The following BLTP3B variants were observed in gnomAD, a reference collection of about 807,000 sequenced individuals.
The protein encoded by BLTP3B is bridge-like lipid transfer protein family member 3B, also known as UHRF1 (ICBP90) binding protein 1-like.
the BLTP3B span, among the ~76,000 whole-genome samples, chr12:100,127,706 C>G: frequency 6.6e-6 from 1 of 152,104 alleles, no homozygotes; most frequent in African/African-American, 2.4e-5. Context: ...CTGTAAAACC[C>G]TTAAATTCTT....
the BLTP3B span, among the ~76,000 whole-genome samples, chr12:100,045,173 C>A: frequency 6.6e-6 from 1 of 152,130 alleles, no homozygotes; most frequent in South Asian, 2.1e-4. Context: ...GGCCATACTG[C>A]CCAAGTTAAT....
At chr12:100,125,054 G>A in the BLTP3B span, among the ~76,000 whole-genome samples, 1 of 139,714 alleles carries the variant, frequency 7.2e-6, no homozygotes, top group Admixed American at 7.3e-5. Flanking sequence ...CATTGAGGCC[G>A]GGCACAGTGG....
chr12:100,109,975 A>C, the BLTP3B span, among the ~76,000 whole-genome samples: 4 of 152,186 alleles, frequency 2.6e-5, no homozygotes, highest in Admixed American at 2.0e-4. Context: ...TATCACAACT[A>C]ACAATGAAAA....
At chr12:100,057,720 G>A in the BLTP3B span, 6 of 1,610,780 alleles carry the variant, frequency 3.7e-6, no homozygotes, top group Non-Finnish European at 5.1e-6. Context: ...AGCCAGGTTG[G>A]GTGGGCAACG....
the BLTP3B span, among the ~76,000 whole-genome samples, chr12:100,116,463 A>AG: frequency 3.3e-5 from 5 of 150,308 alleles, no homozygotes; most frequent in African/African-American, 7.4e-5. Context: ...AAAAAAAAAA[A>AG]AAAGAAAAGA....
the BLTP3B span, chr12:100,058,186 G>A: frequency 6.2e-7 from 1 of 1,613,216 alleles, no homozygotes; most frequent in Non-Finnish European, 8.5e-7. Flanking sequence ...GTACTTGAAA[G>A]TATGTTTTGA....
chr12:100,136,796 CT>C, the BLTP3B span, among the ~76,000 whole-genome samples: 1 of 149,880 alleles, frequency 6.7e-6, no homozygotes. Flanking sequence ...GATAGCTTTT[CT>C]TTTCTTTTTT....
the BLTP3B span, among the ~76,000 whole-genome samples, chr12:100,132,265 T>C: frequency 1.3e-5 from 2 of 152,102 alleles, no homozygotes. Context: ...AAAAAAGACA[T>C]TATGTTTTCC....
chr12:100,081,604 T>C, the BLTP3B span, among the ~76,000 whole-genome samples: 7 of 152,166 alleles, frequency 4.6e-5, no homozygotes, highest in African/African-American at 1.7e-4. Flanking sequence ...TGTCTTCTGT[T>C]TCCCTCTTTG....
At chr12:100,099,552 G>T in the BLTP3B span, among the ~76,000 whole-genome samples, 1 of 150,524 alleles carries the variant, frequency 6.6e-6, no homozygotes. Context: ...TTCAAGACCA[G>T]CCTGGACAAC....
chr12:100,097,566 G>A, the BLTP3B span: 4 of 1,486,922 alleles, frequency 2.7e-6, no homozygotes, highest in Middle Eastern at 2.0e-4. Context: ...GAAAAATGTA[G>A]ATTTTTAAAA....
the BLTP3B span, among the ~76,000 whole-genome samples, chr12:100,116,448 C>CAAAA: frequency 7.1e-5 from 4 of 55,978 alleles, no homozygotes; most frequent in Non-Finnish European, 1.5e-4. Context: ...GATCCTGTCT[C>CAAAA]AAAAAAAAAA....
the BLTP3B span, among the ~76,000 whole-genome samples, chr12:100,043,505 A>T: frequency 1.3e-5 from 2 of 152,216 alleles, no homozygotes; most frequent in African/African-American, 4.8e-5. Context: ...ATAAAAGCTG[A>T]TTAGTACTGT....
chr12:100,064,380 G>A, the BLTP3B span, among the ~76,000 whole-genome samples: 2 of 152,122 alleles, frequency 1.3e-5, no homozygotes, highest in Non-Finnish European at 2.9e-5. Context: ...AATAATTGAG[G>A]AAAACTTCCC....
chr12:100,127,909 T>G, the BLTP3B span, among the ~76,000 whole-genome samples: 1 of 152,000 alleles, frequency 6.6e-6, no homozygotes, highest in Non-Finnish European at 1.5e-5. Context: ...GCTACTCTGG[T>G]GGCTGAAGCA....
chr12:100,129,130 C>T, the BLTP3B span, among the ~76,000 whole-genome samples: 2 of 151,880 alleles, frequency 1.3e-5, no homozygotes, highest in African/African-American at 4.8e-5. Flanking sequence ...GTTTAAGTGA[C>T]AAAACCCCCA....
chr12:100,111,324 C>A, the BLTP3B span, among the ~76,000 whole-genome samples: 1 of 122,084 alleles, frequency 8.2e-6, no homozygotes, highest in Non-Finnish European at 1.6e-5. Flanking sequence ...GACACGGTCT[C>A]GCTCTGTTGT....
chr12:100,060,096 TCCCTG>T, the BLTP3B span: 1 of 1,356,380 alleles, frequency 7.4e-7, no homozygotes. Flanking sequence ...TTCTAAATCT[TCCCTG>T]AGAACAAAAA....
the BLTP3B span, among the ~76,000 whole-genome samples, chr12:100,086,943 G>A: frequency 1.9e-3 from 284 of 152,086 alleles, 5 homozygotes; most frequent in Middle Eastern, 3.4e-3. Context: ...GGTGGATCAC[G>A]AGGTCAGGAG....
Sources: gnomAD v4.1 joint callset for allele counts (sites outside exome capture counted in the v4.1 genomes callset) on GRCh38, gnomAD v4.1.1 for gene constraint, MANE v1.5 for transcripts, NCBI Gene and HGNC (gene_info 2026-07-23, HGNC 2026-07-21) for gene names.